The following AGBL4 variants were observed in gnomAD, a reference collection of about 807,000 sequenced individuals.
The protein encoded by AGBL4 is cytosolic carboxypeptidase 6.
A neutral mutation model predicts 66.4 loss-of-function variants in AGBL4; 58 were observed. That is an observed-to-expected ratio of 0.87 (90% CI 0.71 to 1.09). The LOEUF (loss-of-function observed/expected upper bound fraction) is 1.09, where lower values mean the gene tolerates loss of function less well. Among genes scored for constraint, AGBL4 ranks in the 50% least tolerant of loss-of-function variants. The pLI, the probability that AGBL4 is intolerant of heterozygous loss-of-function variation, is 0.00. For missense variants in AGBL4, 579 were observed against 631.0 expected (o/e 0.92, Z 0.88); for synonymous variants, 234 against 222.9 (o/e 1.05, Z -0.44).
intron 5 of AGBL4, among the ~76,000 whole-genome samples, chr1:48,947,831 AT>A (rs141081852): frequency 0.089 from 13,271 of 149,320 alleles, 661 homozygotes; most frequent in Non-Finnish European, 0.1. Context: ...TGTCCTTTAA[AT>A]TTTTTTTTTC....
At chr1:50,014,536 C>CTTTT (rs886696766) in intron 1 of AGBL4, among the ~76,000 whole-genome samples, 35 of 108,996 alleles carry the variant, frequency 3.2e-4, no homozygotes, top group East Asian at 1.1e-3. Context: ...CAGAGGATTT[C>CTTTT]TTTTTTTTTT....
intron 4 of AGBL4, among the ~76,000 whole-genome samples, chr1:49,117,829 G>A (rs1645560172): frequency 6.6e-6 from 1 of 152,008 alleles, no homozygotes; most frequent in Admixed American, 6.6e-5. Context: ...CATCTTCACT[G>A]TATTGATTCT....
At chr1:49,253,234 A>T (rs951244725) in intron 3 of AGBL4, among the ~76,000 whole-genome samples, 1 of 152,206 alleles carries the variant, frequency 6.6e-6, no homozygotes, top group Non-Finnish European at 1.5e-5. Context: ...AACAAAAAAC[A>T]GAAAAAAGCA....
intron 5 of AGBL4, among the ~76,000 whole-genome samples, chr1:48,921,233 T>C (rs1654049043): frequency 6.6e-6 from 1 of 152,054 alleles, no homozygotes; most frequent in Non-Finnish European, 1.5e-5. Context: ...CTGACTGGCA[T>C]GTGAGGAAGC....
At chr1:48,970,423 A>G (rs1170162564) in intron 5 of AGBL4, among the ~76,000 whole-genome samples, 2 of 152,152 alleles carry the variant, frequency 1.3e-5, no homozygotes, top group African/African-American at 4.8e-5. Flanking sequence ...TATCATGTCT[A>G]AATATGTTTC....
rs951233611 is a variant in AGBL4, at chr1:49,879,267, A to T, written c.35-27749T>A. 3.7e-4 allele frequency among the ~76,000 whole-genome samples: 55 copies of T among 150,432 alleles called. 1 individual carries two copies. The highest frequency in any genetic ancestry group is 1.3e-3 in the African/African-American group (53 of 40,870). On this transcript the variant is annotated intron_variant, in intron 1 of 13. Coordinates refer to ENST00000371839, the MANE Select transcript of AGBL4 (RefSeq NM_032785.4). ...TTTCTTCCTAGTCTCGATGGTCTTT[A>T]CATTTTGGCATGATTTTGCAGTGGC...
intron 3 of AGBL4, among the ~76,000 whole-genome samples, chr1:49,621,011 C>T (rs1645350188): frequency 1.3e-5 from 2 of 152,236 alleles, no homozygotes; most frequent in East Asian, 3.9e-4. Context: ...AAAGCTAGTG[C>T]TCTAGCACCA....
chr1:49,386,265 ATGTGTGTGTG>A (rs35497867), intron 3 of AGBL4, among the ~76,000 whole-genome samples: 2 of 148,500 alleles, frequency 1.3e-5, no homozygotes, highest in African/African-American at 4.9e-5. Context: ...GGATGGATGG[ATGTGTGTGTG>A]TGTGTGTGTG....
Position 49,383,004 on chromosome 1 carries a change from A to T in AGBL4, c.283-137140T>A, listed in dbSNP as rs189889493. On this transcript the variant is annotated intron_variant, in intron 3 of 13. Transcript: ENST00000371839. The stretch of plus-strand genomic sequence containing the variant: ...GCAGTTGCATTTCTATACATTATCA[A>T]TGAACAATCCAAAATGGAATTTAAG... 3.9e-5 allele frequency among the ~76,000 whole-genome samples: 6 copies of T among 152,340 alleles called. No individual in the cohort carries two copies. In the East Asian group the frequency reaches 1.2e-3, roughly 29 times the overall value.
At chr1:48,903,475 G>C (rs567134438) in intron 5 of AGBL4, among the ~76,000 whole-genome samples, 1 of 152,350 alleles carries the variant, frequency 6.6e-6, no homozygotes, top group East Asian at 1.9e-4. Context: ...TATCCACTGA[G>C]AGCTCCCTAC....
At chr1:49,820,519 C>T (rs555155505) in intron 2 of AGBL4, among the ~76,000 whole-genome samples, 94 of 152,168 alleles carry the variant, frequency 6.2e-4, no homozygotes, top group African/African-American at 1.8e-3. Flanking sequence ...CCCTCCATTA[C>T]GGAGGAATAA....
chr1:49,290,392 A>C (rs1340538460), intron 3 of AGBL4, among the ~76,000 whole-genome samples: 3 of 152,174 alleles, frequency 2.0e-5, no homozygotes, highest in African/African-American at 7.2e-5. Context: ...AAATCACTGA[A>C]ACATATTTAA....
intron 6 of AGBL4, among the ~76,000 whole-genome samples, chr1:48,714,732 C>T (rs531183566): frequency 4.1e-4 from 62 of 152,346 alleles, no homozygotes; most frequent in African/African-American, 1.4e-3. Context: ...CTTAGCTAGC[C>T]TATGAGGCCT....
chr1:48,852,234 C>T (rs576508647), intron 6 of AGBL4, among the ~76,000 whole-genome samples: 1 of 152,186 alleles, frequency 6.6e-6, no homozygotes, highest in South Asian at 2.1e-4. Context: ...GCATTTTAGA[C>T]TTTCTTTTTC....
At chr1:48,704,822 A>G (rs1228714635) in intron 6 of AGBL4, among the ~76,000 whole-genome samples, 1 of 152,212 alleles carries the variant, frequency 6.6e-6, no homozygotes, top group Non-Finnish European at 1.5e-5. Context: ...AGTATCCTCC[A>G]AAATAATAAT....
chr1:49,353,392 C>A (rs1331430193), intron 3 of AGBL4, among the ~76,000 whole-genome samples: 1 of 152,054 alleles, frequency 6.6e-6, no homozygotes. Flanking sequence ...TTGGGGGTGG[C>A]CTCCACTAGA....
intron 5 of AGBL4, among the ~76,000 whole-genome samples, chr1:48,932,734 A>G (rs1362636426): frequency 6.6e-6 from 1 of 152,336 alleles, no homozygotes; most frequent in East Asian, 1.9e-4. Context: ...AGGAAATCAC[A>G]CTTAAAGGTT....
At chr1:49,769,811 A>G (rs1644002764) in intron 2 of AGBL4, among the ~76,000 whole-genome samples, 1 of 152,244 alleles carries the variant, frequency 6.6e-6, no homozygotes, top group Non-Finnish European at 1.5e-5. Flanking sequence ...AAATTAACTC[A>G]ATATGGATTA....
In AGBL4 at chr1:49,221,797, G is replaced by A. The variant is rs1029393918; in HGVS notation, c.377+23973C>T. On this transcript the variant is annotated intron_variant, in intron 4 of 13. Coordinates refer to ENST00000371839, the MANE Select transcript of AGBL4 (RefSeq NM_032785.4). ...AAACCTCATTAAATTATTGTATATT[G>A]GACATACCTTAGCATAAAAACATAT... Among the ~76,000 whole-genome samples, 6 of 151,806 alleles carry A rather than the reference G, an allele frequency of 4.0e-5. No individual in the cohort carries two copies. The South Asian group carries it at 1.2e-3, about 32-fold the overall frequency.
Sources: allele counts gnomAD v4.1 joint callset (sites outside exome capture counted in the v4.1 genomes callset), GRCh38; gene constraint gnomAD v4.1.1; transcripts MANE v1.5; gene names NCBI Gene and HGNC (gene_info 2026-07-23, HGNC 2026-07-21).